The following PFAS variants were observed in gnomAD, a reference collection of about 807,000 sequenced individuals.
PFAS encodes phosphoribosylformylglycinamidine synthase.
In PFAS, 97 loss-of-function variants were observed where a neutral mutation model predicts 140.6. The ratio of observed to expected loss-of-function variants is 0.69; its 90% CI spans 0.59 to 0.82. PFAS has a LOEUF of 0.82. Ranked by LOEUF, PFAS falls within the 40% of genes least tolerant of loss-of-function variation. PFAS has a pLI of 0.00. For missense variants in PFAS, 1,656 were observed against 1,780.2 expected (o/e 0.93, Z 1.26); for synonymous variants, 679 against 718.8 (o/e 0.94, Z 0.88).
Position 8,263,066 on chromosome 17 carries a change from C to T in PFAS, c.1411-43C>T, listed in dbSNP as rs113698569. ...CCAGGCATAGGGGAGCGTATAGGAG[C>T]TTCCAGTCTCGCTGAGCTGAGCTAT... is the stretch of plus-strand genomic sequence containing the variant. On this transcript the variant is annotated intron_variant, in intron 12 of 27. Transcript: ENST00000314666. The T allele has an allele frequency of 2.4e-4, 380 of 1,611,050 alleles. 3 individuals carry two copies. The African/African-American group carries it at 4.3e-3, about 18-fold the overall frequency.
chr17:8,265,590 A>G lies in PFAS; in HGVS notation c.2496A>G (p.Pro832=), dbSNP rs747651358. Residue 832 remains proline, a synonymous_variant, in exon 20 of 28, where the codon CCA becomes CCG. Transcript: ENST00000314666. The part of the protein sequence containing the change: ...SLVISAYAVC[P]DITATVTPDL... ...TCATCTCAGCCTATGCCGTCTGCCC[A>G]GACATCACAGCCACTGTGACCCCAG... The G allele has an allele frequency of 3.1e-6, 5 of 1,614,046 alleles. No homozygotes were observed. The East Asian group carries it at 6.7e-5, about 22-fold the overall frequency.
Position 8,269,028 on chromosome 17 carries a change from G to A in PFAS, c.3781G>A (p.Asp1261Asn), listed in dbSNP as rs1465879275. 22 of 1,614,064 alleles carry A rather than the reference G, an allele frequency of 1.4e-5. No individual in the cohort carries two copies. The highest frequency in any genetic ancestry group is 1.7e-6 in the Non-Finnish European group (2 of 1,180,004). ...GGGCTTGGCTCCACTGCACTGGGCT[G>A]ATGATGACGGGAACCCCACAGAGCA... ...ARGLAPLHWA[D>N]DDGNPTEQYP... Residue 1261 changes from aspartate (D) to asparagine (N), a missense_variant, in exon 28 of 28, where the codon GAT becomes AAT. Transcript: ENST00000314666.
rs1476101524 is a variant in PFAS, at chr17:8,263,792, G to C, written c.1647G>C (p.Leu549=). ...CTGTGCAGCTTGGGGACCCAACCCTGAATGCCCTGGAAATCTGGGGGGCTG... is the reference window on the plus strand; with the variant it reads ...CTGTGCAGCTTGGGGACCCAACCCTCAATGCCCTGGAAATCTGGGGGGCTG... ...TSRFQLGDPT[L]NALEIWGAEY... is the part of the protein sequence containing the mutation. The change falls in exon 15 of 28, where the codon CTG becomes CTC. Residue 549 remains leucine, a synonymous_variant. Coordinates refer to ENST00000314666, the MANE Select transcript of PFAS (RefSeq NM_012393.3). 1 of 1,613,938 alleles carries C rather than the reference G, an allele frequency of 6.2e-7. No individual in the cohort carries two copies. Among genetic ancestry groups the C allele is most frequent in the East Asian group, 2.2e-5 (1 of 44,882 alleles).
Position 8,267,141 on chromosome 17 carries a change from T to G in PFAS, c.3081T>G (p.Cys1027Trp). 1.9e-6 allele frequency: 3 copies of G among 1,612,262 alleles called. No individual in the cohort carries two copies. Among genetic ancestry groups the G allele is most frequent in the Non-Finnish European group, 2.5e-6 (3 of 1,179,376 alleles). The change falls in exon 24 of 28, where the codon TGT becomes TGG. Residue 1027 changes from cysteine to tryptophan, a missense_variant. By Grantham distance (215) the Cys-to-Trp change is radical (BLOSUM62 -2). Coordinates refer to ENST00000314666, the MANE Select transcript of PFAS (RefSeq NM_012393.3). The surrounding 1 kb of genome is among the most constrained non-coding windows in gnomAD (Gnocchi z 4.9). ...QLDRLQAEPR[C>W]VAEEERGLRE... ...ACCGGCTACAGGCAGAGCCTCGCTG[T>G]GTGGCAGAGGAGGAACGGGGCCTGA...
chr17:8,251,836 T>C (rs1989166542), intron 1 of PFAS, among the ~76,000 whole-genome samples: 1 of 151,818 alleles, frequency 6.6e-6, no homozygotes, highest in Non-Finnish European at 1.5e-5. Context: ...CACGCCCGGC[T>C]AATTTTTTGT....
chr17:8,265,268 T>C lies in PFAS; in HGVS notation c.2281-20T>C. On this transcript the variant is annotated intron_variant, in intron 18 of 27. Transcript: ENST00000314666. ...CCACATTTCTCTTCCCCTCTAATGC[T>C]GTGCCTCTGCCACCCCCAGGATGTG... 1 of 1,608,054 alleles carries C rather than the reference T, an allele frequency of 6.2e-7. No homozygotes were observed. Among genetic ancestry groups the C allele is most frequent in the Non-Finnish European group, 8.5e-7 (1 of 1,176,306 alleles).
chr17:8,253,836 G>C (rs1003734626), intron 1 of PFAS, 23 bp from the exon 2 acceptor site: 11 of 1,475,848 alleles, frequency 7.5e-6, no homozygotes, highest in Non-Finnish European at 9.9e-6. Flanking sequence ...ACCACGCCCG[G>C]CTTAGTTAAT....
rs201249102 is a variant in PFAS, at chr17:8,255,774, A to G, written c.575-31A>G. ...TCTGGAATGTGGCTGCCTGAGTTCC[A>G]TAGTCACCTCTTCCTGGATTTGTCT... On this transcript the variant is annotated intron_variant, in intron 5 of 27. Coordinates refer to ENST00000314666, the MANE Select transcript of PFAS (RefSeq NM_012393.3). The G allele has an allele frequency of 1.1e-5, 17 of 1,606,656 alleles. 1 individual carries two copies. The highest frequency in any genetic ancestry group is 1.4e-5 in the Non-Finnish European group (17 of 1,173,326).
rs1486189379 is a variant in PFAS, at chr17:8,267,257, C to T, written c.3175+22C>T. 1 of 1,598,046 alleles carries T rather than the reference C, an allele frequency of 6.3e-7. No individual in the cohort carries two copies. Among genetic ancestry groups the T allele is most frequent in the African/African-American group, 1.3e-5 (1 of 74,626 alleles). ...CCTGGTGAGGGAGTGTGTGCAGAGG[C>T]TCCGCGTCCTGGGGGCACTGAGCCT... On this transcript the variant is annotated intron_variant, in intron 24 of 27. Coordinates refer to ENST00000314666, the MANE Select transcript of PFAS (RefSeq NM_012393.3). The surrounding 1 kb of genome is among the most constrained non-coding windows in gnomAD (Gnocchi z 4.9).
At position 8,266,570 on chromosome 17, in the gene PFAS, G is replaced by A; in HGVS notation, c.2822-183G>A. ...CACCCCTCTGAGACTTCCCATCCCT[G>A]AGATGTCCATGATGAAACATCCTCA... On this transcript the variant is annotated intron_variant, in intron 22 of 27. Coordinates refer to ENST00000314666, the MANE Select transcript of PFAS (RefSeq NM_012393.3). This position sits in a 1 kb window ranked among gnomAD's most constrained non-coding sequence, Gnocchi z 5.0. 1 of 1,453,528 alleles carries A rather than the reference G, an allele frequency of 6.9e-7. No homozygotes were observed. The highest frequency in any genetic ancestry group is 9.0e-7 in the Non-Finnish European group (1 of 1,108,428). The allele number at this position is 1,453,528 out of a possible 1,614,324, so 90.0% of individuals were successfully genotyped here.
rs1989948648 is a variant in PFAS, at chr17:8,269,351, A to G, written c.*87A>G. 3.3e-6 allele frequency: 3 copies of G among 922,934 alleles called. No individual in the cohort carries two copies. Among genetic ancestry groups the G allele is most frequent in the East Asian group, 5.1e-5 (2 of 38,838 alleles). 57.2% of individuals were successfully genotyped at this position (922,934 alleles called of 1,614,324 possible). A position where few individuals can be genotyped will look rare whatever the true frequency, so the allele number is the denominator to read the frequency against. On this transcript the variant is annotated 3_prime_UTR_variant, in exon 28 of 28. Transcript: ENST00000314666. Reference sequence around the variant, plus strand: ...CCCATGACCTTCAGGAGCACCCCATATTATTTCCAAAAATATCTTGGACAG... The same window carrying G: ...CCCATGACCTTCAGGAGCACCCCATGTTATTTCCAAAAATATCTTGGACAG...
Position 8,254,004 on chromosome 17 carries a change from C to T in PFAS, c.67C>T (p.Arg23Trp), listed in dbSNP as rs748839729. 39 of 1,613,990 alleles carry T rather than the reference C, an allele frequency of 2.4e-5. No homozygotes were observed. In the Middle Eastern group the frequency reaches 9.9e-4, roughly 41 times the overall value. Residue 23 changes from arginine (R) to tryptophan (W), a missense_variant, in exon 2 of 28, where the codon CGG becomes TGG. Arg to Trp is a moderately radical substitution (Grantham distance 101, BLOSUM62 -3). This residue lies in a region of PFAS where 773 missense variants were observed against 757.3 expected (regional missense o/e 1.02). Coordinates refer to ENST00000314666, the MANE Select transcript of PFAS (RefSeq NM_012393.3). Reference protein sequence around the residue: ...GHEGAAPGHTRRKLQGKLPEL... With the variant: ...GHEGAAPGHTWRKLQGKLPEL... Reference sequence around the variant, plus strand: ...TGAGGGGGCAGCCCCTGGACACACTCGGAGGAAACTGCAAGGGAAACTGCC... The same window carrying T: ...TGAGGGGGCAGCCCCTGGACACACTTGGAGGAAACTGCAAGGGAAACTGCC...
At chr17:8,265,256 C>G in intron 18 of PFAS, 32 bp from the exon 19 acceptor site, 1 of 1,599,808 alleles carries the variant, frequency 6.3e-7, no homozygotes, top group Non-Finnish European at 8.5e-7. Context: ...CATTTCTCTT[C>G]CCCTCTAATG....
In PFAS at chr17:8,266,408, C is replaced by T. The variant is rs753537209; in HGVS notation, c.2821+55C>T. 18 of 1,607,392 alleles carry T rather than the reference C, an allele frequency of 1.1e-5. No individual in the cohort carries two copies. Among genetic ancestry groups the T allele is most frequent in the Non-Finnish European group, 1.4e-5 (17 of 1,176,958 alleles). ...CGGGCTGCCTTCTCTACCCTGCAGA[C>T]CCCATTTCCAATATATTAAAGAGTG... On this transcript the variant is annotated intron_variant, in intron 22 of 27. Transcript: ENST00000314666. The surrounding 1 kb of genome is among the most constrained non-coding windows in gnomAD (Gnocchi z 5.0).
At position 8,257,556 on chromosome 17, in the gene PFAS, A is replaced by G. The variant is rs1989423150; in HGVS notation, c.1076-251A>G. On this transcript the variant is annotated intron_variant, in intron 9 of 27. Coordinates refer to ENST00000314666, the MANE Select transcript of PFAS (RefSeq NM_012393.3). ...GGGTGATAGAGCGAGACTCCATCTC[A>G]AAAAAAAAAACAGAAAGCCTGTGTA... is the stretch of plus-strand genomic sequence containing the variant. 2.0e-5 allele frequency among the ~76,000 whole-genome samples: 3 copies of G among 146,980 alleles called. No individual in the cohort carries two copies. The South Asian group carries it at 6.4e-4, about 32-fold the overall frequency.
Position 8,269,284 on chromosome 17 carries a change from T to TG in PFAS, c.*23dup, listed in dbSNP as rs548500741. ...TGCTGACTGGCCACAGGGGCTCACC[T>TG]GGGCCCCATGGCTTTTCACCTAAGT... On this transcript the variant is annotated 3_prime_UTR_variant, in exon 28 of 28. Coordinates refer to ENST00000314666, the MANE Select transcript of PFAS (RefSeq NM_012393.3). The TG allele has an allele frequency of 3.0e-4, 476 of 1,571,210 alleles. 2 individuals are homozygous for TG. In the African/African-American group the frequency reaches 5.7e-3, roughly 19 times the overall value.
intron 1 of PFAS, among the ~76,000 whole-genome samples, chr17:8,250,970 T>A (rs1282143358): frequency 6.6e-6 from 1 of 151,886 alleles, no homozygotes; most frequent in South Asian, 2.1e-4. Flanking sequence ...GGAGTCTTTT[T>A]TTTTTTTTAT....
chr17:8,251,570 G>A (rs1234379778), intron 1 of PFAS, among the ~76,000 whole-genome samples: 1 of 152,102 alleles, frequency 6.6e-6, no homozygotes. Flanking sequence ...ACAGGCATTG[G>A]GATTATAGGC....
Position 8,255,609 on chromosome 17 carries a change from G to C in PFAS, c.492G>C (p.Glu164Asp). 6.3e-7 allele frequency: 1 copy of C among 1,583,516 alleles called. No individual in the cohort carries two copies. Among genetic ancestry groups the C allele is most frequent in the Non-Finnish European group, 8.6e-7 (1 of 1,167,216 alleles). ...FPHPIQSFSPESMPEPLNGPI... is the reference protein window; with the variant it reads ...FPHPIQSFSPDSMPEPLNGPI... ...ATCCCATCCAGAGTTTCTCCCCTGAGAGCATGCCGGAACCCCTCAATGGCC... is the reference window on the plus strand; with the variant it reads ...ATCCCATCCAGAGTTTCTCCCCTGACAGCATGCCGGAACCCCTCAATGGCC... Residue 164 changes from glutamate to aspartate, a missense_variant, in exon 5 of 28, where the codon GAG (glutamate) becomes GAC (aspartate). Transcript: ENST00000314666.
Sources: allele counts gnomAD v4.1 joint callset (sites outside exome capture counted in the v4.1 genomes callset), GRCh38; gene constraint gnomAD v4.1.1; regional missense constraint gnomAD v4.1.1; non-coding constraint Gnocchi (gnomAD v3.1); transcripts MANE v1.5; gene names NCBI Gene and HGNC (gene_info 2026-07-23, HGNC 2026-07-21).